Variants in PTPRM observed in about 807,000 individuals in gnomAD.
PTPRM encodes protein tyrosine phosphatase receptor type M, also known as receptor-type tyrosine-protein phosphatase mu.
PTPRM carries 47 observed loss-of-function variants against 186.7 expected under a neutral mutation model. The ratio of observed to expected loss-of-function variants is 0.25; its 90% CI spans 0.20 to 0.32. The LOEUF is 0.32. Among genes scored for constraint, PTPRM ranks in the 10% least tolerant of loss-of-function variants. The pLI, the probability that PTPRM is intolerant of heterozygous loss-of-function variation, is 1.00. For missense variants in PTPRM, 1,494 were observed against 1,865.0 expected (o/e 0.80, Z 3.66); for synonymous variants, 668 against 674.9 (o/e 0.99, Z 0.16).
At chr18:7,996,694 C>T (rs1254461160) in intron 7 of PTPRM, among the ~76,000 whole-genome samples, 1 of 151,294 alleles carries the variant, frequency 6.6e-6, no homozygotes, top group Non-Finnish European at 1.5e-5. Context: ...AATAATGATG[C>T]AGGGTACAAT....
chr18:8,222,347 C>T (rs2094163234), intron 14 of PTPRM, among the ~76,000 whole-genome samples: 1 of 152,166 alleles, frequency 6.6e-6, no homozygotes, highest in African/African-American at 2.4e-5. Context: ...TCCCTCCTAT[C>T]TGTTGAGTCC....
At chr18:8,298,945 C>T (rs1195652479) in intron 20 of PTPRM, among the ~76,000 whole-genome samples, 2 of 152,158 alleles carry the variant, frequency 1.3e-5, no homozygotes, top group Middle Eastern at 3.2e-3. Flanking sequence ...AAGACTCTGT[C>T]TCTACAAAAA....
chr18:8,372,054 T>TATATATA (rs1568850546), intron 24 of PTPRM, among the ~76,000 whole-genome samples: 1 of 98,058 alleles, frequency 1.0e-5, no homozygotes, highest in African/African-American at 3.4e-5. Context: ...CCACTCTATA[T>TATATATA]TCTTTTTTTT....
At chr18:8,354,306 C>T (rs1297779966) in intron 23 of PTPRM, among the ~76,000 whole-genome samples, 2 of 151,808 alleles carry the variant, frequency 1.3e-5, no homozygotes, top group Non-Finnish European at 2.9e-5. Flanking sequence ...GGACTCACAA[C>T]AGAACACTGG....
chr18:8,102,382 C>T (rs1181044024), intron 11 of PTPRM, among the ~76,000 whole-genome samples: 3 of 152,228 alleles, frequency 2.0e-5, no homozygotes, highest in Non-Finnish European at 4.4e-5. Context: ...GAACTTCTTT[C>T]AAAATTGGAG....
At chr18:7,785,459 G>A (rs1744047311) in intron 2 of PTPRM, among the ~76,000 whole-genome samples, 2 of 152,018 alleles carry the variant, frequency 1.3e-5, no homozygotes, top group East Asian at 1.9e-4. Flanking sequence ...GAGAGAGCGC[G>A]CATGTGTGCA....
chr18:7,815,271 A>G (rs2044748851), intron 2 of PTPRM: 1 of 152,236 alleles, frequency 6.6e-6, no homozygotes, highest in East Asian at 1.9e-4. Context: ...TAGGAGATGG[A>G]TTTGAGACTG....
At chr18:7,587,566 A>G (rs1311037799) in intron 1 of PTPRM, among the ~76,000 whole-genome samples, 1 of 152,184 alleles carries the variant, frequency 6.6e-6, no homozygotes, top group African/African-American at 2.4e-5. Flanking sequence ...GCTGGGAAGT[A>G]GACCAAGAGG....
chr18:7,655,942 G>T (rs1039398888), intron 1 of PTPRM, among the ~76,000 whole-genome samples: 1 of 152,202 alleles, frequency 6.6e-6, no homozygotes, highest in Non-Finnish European at 1.5e-5. Flanking sequence ...TAGTGAGGAT[G>T]CAGAGAAAGC....
chr18:7,917,877 C>T (rs1438610420), intron 4 of PTPRM, among the ~76,000 whole-genome samples: 1 of 152,138 alleles, frequency 6.6e-6, no homozygotes, highest in African/African-American at 2.4e-5. Flanking sequence ...TTAATCTACT[C>T]TCTATCTTCA....
At chr18:7,639,994 A>C (rs1186901910) in intron 1 of PTPRM, among the ~76,000 whole-genome samples, 1 of 152,194 alleles carries the variant, frequency 6.6e-6, no homozygotes, top group Non-Finnish European at 1.5e-5. Context: ...ATTCAAAGGA[A>C]GTGCATAACT....
intron 2 of PTPRM, among the ~76,000 whole-genome samples, chr18:7,868,024 G>A (rs1203763389): frequency 2.6e-5 from 4 of 152,026 alleles, no homozygotes; most frequent in East Asian, 1.9e-4. Context: ...CGAAGTTCTC[G>A]TGCTGTGTTT....
chr18:7,575,040 G>T (rs2036654758), intron 1 of PTPRM, among the ~76,000 whole-genome samples: 1 of 152,012 alleles, frequency 6.6e-6, no homozygotes, highest in Non-Finnish European at 1.5e-5. Context: ...TCAAAAAACA[G>T]AAAAAAATAA....
intron 14 of PTPRM, among the ~76,000 whole-genome samples, chr18:8,154,191 G>A (rs2093071373): frequency 6.6e-6 from 1 of 152,136 alleles, no homozygotes; most frequent in Non-Finnish European, 1.5e-5. Flanking sequence ...GAAGCCGTAG[G>A]GAAATGGAAA....
chr18:8,227,867 G>A (rs2094233865), intron 14 of PTPRM, among the ~76,000 whole-genome samples: 1 of 152,140 alleles, frequency 6.6e-6, no homozygotes, highest in South Asian at 2.1e-4. Context: ...TATCACTAAT[G>A]TCACTTGATT....
At chr18:7,835,882 A>G (rs1598966746) in intron 2 of PTPRM, among the ~76,000 whole-genome samples, 1 of 107,480 alleles carries the variant, frequency 9.3e-6, no homozygotes, top group Non-Finnish European at 2.0e-5. Context: ...TTTGTTTTTT[A>G]TCTTGAAAGC....
chr18:7,649,345 C>T (rs949763495), intron 1 of PTPRM, among the ~76,000 whole-genome samples: 11 of 152,230 alleles, frequency 7.2e-5, no homozygotes, highest in East Asian at 1.9e-4. Context: ...TTGTAGTCTA[C>T]GGATCAAGGA....
chr18:7,571,816 G>C (rs112634428), intron 1 of PTPRM, among the ~76,000 whole-genome samples: 4 of 152,236 alleles, frequency 2.6e-5, no homozygotes, highest in African/African-American at 9.6e-5. Flanking sequence ...TTAACATTAG[G>C]GGGAAGCTGG....
chr18:8,342,789 T>A (rs1181213224), intron 22 of PTPRM, among the ~76,000 whole-genome samples: 1 of 152,202 alleles, frequency 6.6e-6, no homozygotes, highest in African/African-American at 2.4e-5. Context: ...TTTCCAGCCA[T>A]AGGAAAGAGC....
Sources: allele counts gnomAD v4.1 joint callset (sites outside exome capture counted in the v4.1 genomes callset), GRCh38; gene constraint gnomAD v4.1.1; transcripts MANE v1.5; gene names NCBI Gene and HGNC (gene_info 2026-07-23, HGNC 2026-07-21).